DFFB: variants seen among roughly 807,000 people sequenced by gnomAD.
DFFB encodes the protein DNA fragmentation factor 40 kDa subunit.
A neutral mutation model predicts 32.7 loss-of-function variants in DFFB; 29 were observed. That is an observed-to-expected ratio of 0.89 (90% CI 0.66 to 1.21). The LOEUF is 1.21. Among genes scored for constraint, DFFB ranks in the 50% most tolerant of loss-of-function variants. The probability of loss-of-function intolerance (pLI) is 0.00; values close to 1 mark genes in which losing one functional copy is unlikely to be tolerated. For synonymous variants in DFFB, 170 were observed against 177.1 expected, an observed-to-expected ratio of 0.96 and a Z score of 0.32; for missense variants, 398 against 440.6, an observed-to-expected ratio of 0.90 and a Z score of 0.87.
chr1:3,871,066 C>T (rs985462094), intron 5 of DFFB, among the ~76,000 whole-genome samples: 1 of 152,156 alleles, frequency 6.6e-6, no homozygotes, highest in African/African-American at 2.4e-5. Context: ...CGGGCAATGG[C>T]TGGAAAGGGA....
chr1:3,879,435 G>A (rs1003255120), intron 6 of DFFB, among the ~76,000 whole-genome samples: 3 of 152,178 alleles, frequency 2.0e-5, no homozygotes, highest in African/African-American at 7.2e-5. Flanking sequence ...TCCCCAGTGT[G>A]ACTGCATCAG....
intron 2 of DFFB, among the ~76,000 whole-genome samples, chr1:3,859,340 C>G (rs1644834288): frequency 6.6e-6 from 1 of 152,154 alleles, no homozygotes; most frequent in Non-Finnish European, 1.5e-5. Flanking sequence ...AGAGGTGGTT[C>G]TTTCGGGGCA....
intron 6 of DFFB, among the ~76,000 whole-genome samples, chr1:3,881,026 G>A (rs1645326794): frequency 6.6e-6 from 1 of 152,204 alleles, no homozygotes; most frequent in Non-Finnish European, 1.5e-5. Flanking sequence ...CACCCTGTGT[G>A]CTCCCCTGCC....
chr1:3,879,338 T>G (rs868753230), intron 6 of DFFB, among the ~76,000 whole-genome samples: 2 of 152,334 alleles, frequency 1.3e-5, no homozygotes, highest in African/African-American at 4.8e-5. Context: ...CTCCTCATGC[T>G]GTGCCTGCGT....
intron 2 of DFFB, among the ~76,000 whole-genome samples, chr1:3,859,756 C>A (rs1020113553): frequency 6.6e-5 from 10 of 152,218 alleles, no homozygotes; most frequent in Non-Finnish European, 1.5e-5. Flanking sequence ...TTAGAGGAGG[C>A]AGCTGGAAAA....
intron 4 of DFFB, among the ~76,000 whole-genome samples, chr1:3,869,087 T>A (rs1645057434): frequency 6.6e-6 from 1 of 152,042 alleles, no homozygotes; most frequent in Non-Finnish European, 1.5e-5. Context: ...TGAGACGGAG[T>A]CTCACTCTGT....
rs534787656 is a variant in DFFB, at chr1:3,868,088, GT to G, written c.510+40del. The G allele has an allele frequency of 4.6e-3, 7,349 of 1,600,280 alleles. 34 individuals are homozygous for G. Among genetic ancestry groups the G allele is most frequent in the South Asian group, 0.014 (1,250 of 90,792 alleles). The stretch of plus-strand genomic sequence containing the variant: ...AGTGAAGACCGGGTATGCTGGGCGG[GT>G]TTTTGAAGCCAGGCTCTGTGGGCTC... On this transcript the variant is annotated intron_variant, in intron 4 of 6. Coordinates refer to ENST00000378209, the MANE Select transcript of DFFB (RefSeq NM_004402.4).
chr1:3,860,452 C>G, intron 2 of DFFB: 1 of 445,910 alleles, frequency 2.2e-6, no homozygotes, highest in South Asian at 1.6e-5. Context: ...TAGTCTCACA[C>G]TCCTGGGCTC....
intron 3 of DFFB, among the ~76,000 whole-genome samples, chr1:3,866,771 C>T (rs1035951811): frequency 2.0e-5 from 3 of 152,156 alleles, no homozygotes; most frequent in African/African-American, 7.2e-5. Context: ...CGGTTTCTGT[C>T]TCTCTGATTT....
chr1:3,871,543 T>TC (rs1180791346), intron 5 of DFFB, among the ~76,000 whole-genome samples: 1 of 152,128 alleles, frequency 6.6e-6, no homozygotes, highest in Non-Finnish European at 1.5e-5. Flanking sequence ...CACATTGGCC[T>TC]CCCAAAATGC....
Position 3,865,708 on chromosome 1 carries a change from G to T in DFFB, c.242-104G>T. The T allele has an allele frequency of 1.3e-6, 2 of 1,577,512 alleles. No individual in the cohort carries two copies. The highest frequency in any genetic ancestry group is 1.7e-6 in the Non-Finnish European group (2 of 1,146,822). On this transcript the variant is annotated intron_variant, in intron 2 of 6. Transcript: ENST00000378209. The surrounding 1 kb of genome is among the most constrained non-coding windows in gnomAD (Gnocchi z 4.7). ...AAGTCTGAGTCCTGGTGATTGCCAGGCCCTGGGGAATGGGGGAAGATGTGG... is the reference window on the plus strand; with the variant it reads ...AAGTCTGAGTCCTGGTGATTGCCAGTCCCTGGGGAATGGGGGAAGATGTGG...
At chr1:3,864,363 C>G (rs1355011474) in intron 2 of DFFB, among the ~76,000 whole-genome samples, 1 of 152,158 alleles carries the variant, frequency 6.6e-6, no homozygotes. Flanking sequence ...AAGTTGTGTG[C>G]TAGAGTGGCC....
At chr1:3,874,984 T>C (rs1187029602) in intron 6 of DFFB, among the ~76,000 whole-genome samples, 1 of 152,178 alleles carries the variant, frequency 6.6e-6, no homozygotes, top group Non-Finnish European at 1.5e-5. Context: ...CAGAGCCGTG[T>C]AGCTGCACCT....
In DFFB at chr1:3,858,838, C is replaced by G; in HGVS notation, c.235C>G (p.Gln79Glu). 1 of 1,613,650 alleles carries G rather than the reference C, an allele frequency of 6.2e-7. No homozygotes were observed. Among genetic ancestry groups the G allele is most frequent in the South Asian group, 1.1e-5 (1 of 91,080 alleles). The change falls in exon 2 of 7, where the codon CAG becomes GAG. Residue 79 changes from glutamine (Q) to glutamate (E), a missense_variant. Gln to Glu is a conservative substitution (Grantham distance 29, BLOSUM62 2). Coordinates refer to ENST00000378209, the MANE Select transcript of DFFB (RefSeq NM_004402.4). ...GCTGCTCACCTTGGGCCAGGCCTGG[C>G]AGGGCTGTGAGTGGCAAGGACTTTG... is the stretch of plus-strand genomic sequence containing the variant. ...LVLLTLGQAW[Q>E]GYVSDIRRFL...
intron 6 of DFFB, among the ~76,000 whole-genome samples, chr1:3,879,724 T>C (rs1246720803): frequency 6.6e-6 from 1 of 152,180 alleles, no homozygotes; most frequent in South Asian, 2.1e-4. Flanking sequence ...CACTCCTGTA[T>C]TGTTCAGGAA....
intron 3 of DFFB, 27 bp from the exon 4 acceptor site, chr1:3,867,947 T>C (rs777261791): frequency 6.2e-7 from 1 of 1,612,784 alleles, no homozygotes; most frequent in Non-Finnish European, 8.5e-7. Context: ...CCCTGTGGAC[T>C]TGGGGGTCTT....
intron 2 of DFFB, among the ~76,000 whole-genome samples, chr1:3,860,221 C>G (rs973136447): frequency 6.6e-6 from 1 of 152,080 alleles, no homozygotes; most frequent in Non-Finnish European, 1.5e-5. Flanking sequence ...AGCCACTGTG[C>G]CTGGCCAAAA....
Position 3,857,538 on chromosome 1 carries a change from G to T in DFFB, c.-66G>T. ...AGACCCCTGCGGCCAGGGCGAGGAC[G>T]GATCTGAGCAGCTGGGCAGCAGGTG... is the stretch of plus-strand genomic sequence containing the variant. On this transcript the variant is annotated 5_prime_UTR_variant, in exon 1 of 7. Transcript: ENST00000378209. The T allele has an allele frequency of 8.2e-7, 1 of 1,217,924 alleles. No individual in the cohort carries two copies. Among genetic ancestry groups the T allele is most frequent in the East Asian group, 3.0e-5 (1 of 33,852 alleles). The allele number at this position is 1,217,924 out of a possible 1,614,324, so 75.4% of individuals were successfully genotyped here.
chr1:3,868,141 T>A, intron 4 of DFFB, 88 bp downstream of exon 4: 2 of 1,188,410 alleles, frequency 1.7e-6, no homozygotes, highest in Non-Finnish European at 2.5e-6. Flanking sequence ...TCACGATGGG[T>A]AGTTGGTAGG....
Sources: allele counts gnomAD v4.1 joint callset (sites outside exome capture counted in the v4.1 genomes callset), GRCh38; gene constraint gnomAD v4.1.1; non-coding constraint Gnocchi (gnomAD v3.1); transcripts MANE v1.5; gene names NCBI Gene and HGNC (gene_info 2026-07-23, HGNC 2026-07-21).